COX19: variants seen among roughly 807,000 people sequenced by gnomAD.
COX19 encodes cytochrome c oxidase assembly factor COX19.
COX19 carries 8 observed loss-of-function variants against 6.8 expected under a neutral mutation model. The ratio of observed to expected loss-of-function variants is 1.18; its 90% CI spans 0.69 to 2.12. The LOEUF (loss-of-function observed/expected upper bound fraction) is 2.12, where lower values mean the gene tolerates loss of function less well. COX19 is among the 30% of genes most tolerant of loss of function. The pLI is 0.00. For synonymous variants in COX19, 51 were observed against 38.0 expected (o/e 1.34, Z -1.26); for missense variants, 131 against 104.6 (o/e 1.25, Z -1.10).
intron 2 of COX19, among the ~76,000 whole-genome samples, chr7:970,971 G>C (rs751234224): frequency 2.6e-4 from 39 of 152,248 alleles, no homozygotes; most frequent in Non-Finnish European, 4.1e-4. Context: ...CACTCTTCAG[G>C]ACAATAGTTA....
chr7:965,128 G>A lies in COX19; in HGVS notation c.*4250C>T, dbSNP rs976410975. On this transcript the variant is annotated 3_prime_UTR_variant, in exon 3 of 3. Coordinates refer to ENST00000344111, the MANE Select transcript of COX19 (RefSeq NM_001031617.3). Reference sequence around the variant, plus strand: ...TTGGGATTCCGGCTTCTCTGCCTGTGACCTGCTGAAACCATTCATGCCGGC... The same window carrying A: ...TTGGGATTCCGGCTTCTCTGCCTGTAACCTGCTGAAACCATTCATGCCGGC... Among the ~76,000 whole-genome samples, 1 of 152,184 alleles carries A rather than the reference G, an allele frequency of 6.6e-6. No homozygotes were observed. Among genetic ancestry groups the A allele is most frequent in the Non-Finnish European group, 1.5e-5 (1 of 68,040 alleles).
At chr7:973,148 G>C (rs71538128) in intron 2 of COX19, 33 bp downstream of exon 2, 1 of 1,424,886 alleles carries the variant, frequency 7.0e-7, no homozygotes, top group Non-Finnish European at 9.4e-7. Context: ...GGAGTAGTGG[G>C]AGGTGGAAAT....
chr7:966,423 G>A lies in COX19; in HGVS notation c.*2955C>T, dbSNP rs886783140. 1 of 152,308 alleles carries A rather than the reference G, an allele frequency of 6.6e-6. No homozygotes were observed. Among genetic ancestry groups the A allele is most frequent in the African/African-American group, 2.4e-5 (1 of 41,442 alleles). The allele number at this position is 152,308 out of a possible 1,614,324, so 9.4% of individuals were successfully genotyped here. ...CCCACCTTGGCCTCCTAAAGTGCTG[G>A]GATTGCAGGCGTGAGCCGCTGCGCC... On this transcript the variant is annotated 3_prime_UTR_variant, in exon 3 of 3. Transcript: ENST00000344111.
intron 2 of COX19, among the ~76,000 whole-genome samples, chr7:971,612 C>A (rs1847636259): frequency 6.6e-6 from 1 of 152,160 alleles, no homozygotes; most frequent in African/African-American, 2.4e-5. Flanking sequence ...TGGCTCACGC[C>A]TGTAATCCCA....
chr7:971,597 C>T (rs1480380144), intron 2 of COX19, among the ~76,000 whole-genome samples: 2 of 152,024 alleles, frequency 1.3e-5, no homozygotes, highest in Admixed American at 1.3e-4. Flanking sequence ...AAAGCCTGGG[C>T]GTAGTGGCTC....
chr7:970,263 T>C (rs1204737101), intron 2 of COX19, among the ~76,000 whole-genome samples: 1 of 150,816 alleles, frequency 6.6e-6, no homozygotes, highest in Non-Finnish European at 1.5e-5. Flanking sequence ...GCCTCCTGAG[T>C]AGCTGGGAGT....
rs964116638 is a variant in COX19 at position 968,324 on chromosome 7, C to G, written c.*1054G>C. ...CAGCCTGTTTCCCAGAGCCTGAGGTCGGCCAGATTGGTGGCCCCACCTGCC... is the reference window on the plus strand; with the variant it reads ...CAGCCTGTTTCCCAGAGCCTGAGGTGGGCCAGATTGGTGGCCCCACCTGCC... On this transcript the variant is annotated 3_prime_UTR_variant, in exon 3 of 3. Transcript: ENST00000344111. 6.6e-6 allele frequency: 1 copy of G among 152,292 alleles called. No individual in the cohort carries two copies. Among genetic ancestry groups the G allele is most frequent in the Admixed American group, 6.5e-5 (1 of 15,286 alleles). The allele number at this position is 152,292 out of a possible 1,614,324, so 9.4% of individuals were successfully genotyped here.
chr7:975,426 A>T lies in COX19; in HGVS notation c.82+2T>A. ...CCTGCCCGCCGACCTTCCGCCGCTC[A>T]CCTAAGTGATCCAGCGGGAAGCTGC... On this transcript the variant is annotated splice_donor_variant, in intron 1 of 2. Coordinates refer to ENST00000344111, the MANE Select transcript of COX19 (RefSeq NM_001031617.3). LOFTEE classifies it high-confidence loss of function. 1 of 1,590,964 alleles carries T rather than the reference A, an allele frequency of 6.3e-7. No individual in the cohort carries two copies. Among genetic ancestry groups the T allele is most frequent in the Non-Finnish European group, 8.5e-7 (1 of 1,170,832 alleles).
At chr7:971,555 G>GA (rs905859793) in intron 2 of COX19, among the ~76,000 whole-genome samples, 52 of 146,860 alleles carry the variant, frequency 3.5e-4, no homozygotes, top group Admixed American at 6.8e-4. Context: ...TTTTTAAAAA[G>GA]AAAAAAAAAA....
chr7:973,210 T>C lies in COX19; in HGVS notation c.165A>G (p.Ser55=), dbSNP rs779806823. Residue 55 remains serine (S), a synonymous_variant, in exon 2 of 3, where the codon TCA becomes TCG. Transcript: ENST00000344111. ...NFENALCRKE[S]KEYLECRMER... ...CCATCCTGCATTCTAAATATTCTTT[T>C]GATTCCTTTCTGCACAAAGCATTTT... The C allele has an allele frequency of 7.7e-5, 124 of 1,602,336 alleles. 2 individuals are homozygous for C. In the South Asian group the frequency reaches 1.2e-3, roughly 16 times the overall value.
In COX19 at chr7:969,401, C is replaced by T; in HGVS notation, c.250G>A (p.Gly84Arg). 1.9e-6 allele frequency: 3 copies of T among 1,610,974 alleles called. No individual in the cohort carries two copies. The highest frequency in any genetic ancestry group is 8.5e-7 in the Non-Finnish European group (1 of 1,177,172). ...ATTCATTTTTTTGCCTCTGATTTTCCACTAGTCAAGTCTCCAAATCCCAGT... is the reference window on the plus strand; with the variant it reads ...ATTCATTTTTTTGCCTCTGATTTTCTACTAGTCAAGTCTCCAAATCCCAGT... ...EKLGFGDLTSGKSEAKK is the reference protein window; with the variant it reads ...EKLGFGDLTSRKSEAKK The change falls in exon 3 of 3, where the codon GGA becomes AGA. Residue 84 changes from glycine to arginine, a missense_variant. Gly to Arg is a moderately radical substitution (Grantham distance 125). Coordinates refer to ENST00000344111, the MANE Select transcript of COX19 (RefSeq NM_001031617.3).
intron 2 of COX19, 121 bp downstream of exon 2, chr7:973,060 C>G: frequency 1.9e-6 from 1 of 533,914 alleles, no homozygotes; most frequent in Non-Finnish European, 3.1e-6. Flanking sequence ...ATTCCACAGT[C>G]CTGAAAAACA....
In COX19 at chr7:966,321, CTT is replaced by C. The variant is rs1304171896; in HGVS notation, c.*3055_*3056del. 1 of 151,508 alleles carries C rather than the reference CTT, an allele frequency of 6.6e-6. No homozygotes were observed. Among genetic ancestry groups the C allele is most frequent in the African/African-American group, 2.4e-5 (1 of 41,148 alleles). 9.4% of individuals were successfully genotyped at this position (151,508 alleles called of 1,614,324 possible). A position where few individuals can be genotyped will look rare whatever the true frequency, so the allele number is the denominator to read the frequency against. On this transcript the variant is annotated 3_prime_UTR_variant, in exon 3 of 3. Coordinates refer to ENST00000344111, the MANE Select transcript of COX19 (RefSeq NM_001031617.3). Reference sequence around the variant, plus strand: ...GGCGGGTGACACCACGCACGGCTGACTTTTCTTGTTTTGTAGAGACAGGGTTT... The same window carrying C: ...GGCGGGTGACACCACGCACGGCTGACTTCTTGTTTTGTAGAGACAGGGTTT...
In COX19 at chr7:973,287, A is replaced by C; in HGVS notation, c.88T>G (p.Cys30Gly). 2 of 1,589,606 alleles carry C rather than the reference A, an allele frequency of 1.3e-6. No homozygotes were observed. Among genetic ancestry groups the C allele is most frequent in the Non-Finnish European group, 1.7e-6 (2 of 1,170,134 alleles). The part of the protein sequence containing the change: ...GSFPLDHLGE[C>G]KSFKEKFMKC... Reference sequence around the variant, plus strand: ...ATGAATTTCTCTTTAAAGCTTTTACATTCACCTAGAACGAGAAAGAAAACA... The same window carrying C: ...ATGAATTTCTCTTTAAAGCTTTTACCTTCACCTAGAACGAGAAAGAAAACA... Residue 30 changes from cysteine (C) to glycine (G), a missense_variant, in exon 2 of 3, where the codon TGT becomes GGT. Transcript: ENST00000344111.
chr7:970,875 C>A (rs1847624920), intron 2 of COX19, among the ~76,000 whole-genome samples: 1 of 152,212 alleles, frequency 6.6e-6, no homozygotes, highest in Non-Finnish European at 1.5e-5. Context: ...CCACTTCTTG[C>A]CAAAATAATT....
rs749287209 is a variant in COX19, at chr7:975,477, G to A, written c.33C>T (p.Ser11=). MSTAMNFGTK[S]FQPRPPDKGS... ...CCTTGTCCGGGGGCCGCGGCTGGAA[G>A]CTCTTGGTCCCGAAATTCATGGCGG... Residue 11 remains serine, a synonymous_variant, in exon 1 of 3, where the codon AGC becomes AGT. Transcript: ENST00000344111. 1 of 1,603,204 alleles carries A rather than the reference G, an allele frequency of 6.2e-7. No individual in the cohort carries two copies. The highest frequency in any genetic ancestry group is 8.5e-7 in the Non-Finnish European group (1 of 1,176,260).
In COX19 at chr7:973,246, G is replaced by T. The variant is rs1373476472; in HGVS notation, c.129C>A (p.Asn43Lys). 2 of 1,601,068 alleles carry T rather than the reference G, an allele frequency of 1.2e-6. No individual in the cohort carries two copies. Among genetic ancestry groups the T allele is most frequent in the East Asian group, 4.5e-5 (2 of 44,300 alleles). ...TGCACAAAGCATTTTCAAAATTATT[G>T]TTATGAAGACACTTCATGAATTTCT... Reference protein sequence around the residue: ...FKEKFMKCLHNNNFENALCRK... With the variant: ...FKEKFMKCLHKNNFENALCRK... Residue 43 changes from asparagine to lysine, a missense_variant, in exon 2 of 3, where the codon AAC (asparagine) becomes AAA (lysine). Coordinates refer to ENST00000344111, the MANE Select transcript of COX19 (RefSeq NM_001031617.3).
intron 2 of COX19, among the ~76,000 whole-genome samples, chr7:970,200 T>C (rs1354879971): frequency 6.6e-6 from 1 of 151,772 alleles, no homozygotes; most frequent in Non-Finnish European, 1.5e-5. Context: ...AGTGGTGCAA[T>C]CTCGGCTCAC....
chr7:971,653 T>C (rs1847636892), intron 2 of COX19, among the ~76,000 whole-genome samples: 3 of 151,884 alleles, frequency 2.0e-5, no homozygotes, highest in Admixed American at 2.0e-4. Context: ...GGGCGGACCA[T>C]GAGGTCAGGA....
Sources: allele counts gnomAD v4.1 joint callset (sites outside exome capture counted in the v4.1 genomes callset), GRCh38; gene constraint gnomAD v4.1.1; transcripts MANE v1.5; gene names NCBI Gene and HGNC (gene_info 2026-07-23, HGNC 2026-07-21).